Variants in SYT9 observed in about 807,000 individuals in gnomAD.
The protein encoded by SYT9 is synaptotagmin 9.
In SYT9, 22 loss-of-function variants were observed where a neutral mutation model predicts 48.4. That is an observed-to-expected ratio of 0.45 (90% CI 0.32 to 0.65). SYT9 has a LOEUF of 0.65. Among genes scored for constraint, SYT9 ranks in the 30% least tolerant of loss-of-function variants. SYT9 has a pLI of 0.03. For synonymous variants in SYT9, 265 were observed against 245.0 expected (o/e 1.08, Z -0.76); for missense variants, 577 against 622.0 (o/e 0.93, Z 0.77).
intron 3 of SYT9, among the ~76,000 whole-genome samples, chr11:7,407,985 G>C (rs1020945870): frequency 6.6e-6 from 1 of 151,956 alleles, no homozygotes; most frequent in East Asian, 2.0e-4. Context: ...TGTCGTTTTT[G>C]TTCAGAATTG....
intron 1 of SYT9, among the ~76,000 whole-genome samples, chr11:7,265,970 T>C (rs1848173508): frequency 6.6e-6 from 1 of 152,154 alleles, no homozygotes; most frequent in Non-Finnish European, 1.5e-5. Context: ...CTAGCCAATA[T>C]GCTCACTTCT....
upstream of SYT9, among the ~76,000 whole-genome samples, chr11:7,246,982 A>G (rs559121125): frequency 2.0e-5 from 3 of 152,336 alleles, no homozygotes; most frequent in African/African-American, 7.2e-5. Flanking sequence ...GTCCAAGCTC[A>G]AGGTTGCAGC....
At chr11:7,284,570 T>G (rs1036972406) in intron 1 of SYT9, among the ~76,000 whole-genome samples, 3 of 152,110 alleles carry the variant, frequency 2.0e-5, no homozygotes, top group Admixed American at 1.3e-4. Context: ...CTAGATTCCT[T>G]AAGAGAAGTC....
At chr11:7,250,999 A>T (rs1847856378), upstream of SYT9, among the ~76,000 whole-genome samples, 1 of 152,122 alleles carries the variant, frequency 6.6e-6, no homozygotes, top group South Asian at 2.1e-4. Flanking sequence ...CCCAGGCCCC[A>T]GTTTCTCATT....
At chr11:7,362,145 T>A (rs1317793546) in intron 3 of SYT9, among the ~76,000 whole-genome samples, 1 of 150,062 alleles carries the variant, frequency 6.7e-6, no homozygotes, top group Non-Finnish European at 1.5e-5. Context: ...TTATTTTATT[T>A]TTTTTTTATT....
chr11:7,239,043 T>C (rs1847713811), intron 1 of SYT9: 2 of 416,642 alleles, frequency 4.8e-6, no homozygotes, highest in East Asian at 7.2e-5. Context: ...TGGATATTGT[T>C]TCTGGCTACC....
chr11:7,285,942 C>A (rs1413659541), intron 1 of SYT9, among the ~76,000 whole-genome samples: 1 of 152,232 alleles, frequency 6.6e-6, no homozygotes, highest in African/African-American at 2.4e-5. Context: ...AGCTCCACCC[C>A]TGTGGCTTTG....
chr11:7,369,794 A>AACACAC (rs58554896), intron 3 of SYT9, among the ~76,000 whole-genome samples: 2,989 of 143,960 alleles, frequency 0.021, 75 homozygotes, highest in African/African-American at 0.051. Flanking sequence ...CACACACACA[A>AACACAC]ACACACACAC....
intron 1 of SYT9, among the ~76,000 whole-genome samples, chr11:7,286,286 G>T (rs1035927618): frequency 6.6e-6 from 1 of 152,250 alleles, no homozygotes; most frequent in Non-Finnish European, 1.5e-5. Flanking sequence ...CATGGAAGCT[G>T]CCAAGGCTTG....
intron 1 of SYT9, among the ~76,000 whole-genome samples, chr11:7,275,771 C>T (rs919561395): frequency 6.6e-6 from 1 of 152,178 alleles, no homozygotes; most frequent in Non-Finnish European, 1.5e-5. Flanking sequence ...GGCCTTTCCA[C>T]TTGCTGCTGT....
At chr11:7,447,430 G>A (rs988189487) in intron 6 of SYT9, among the ~76,000 whole-genome samples, 12 of 152,122 alleles carry the variant, frequency 7.9e-5, no homozygotes, top group Non-Finnish European at 1.8e-4. Flanking sequence ...TAGTACCCTG[G>A]CAACACTGCT....
chr11:7,417,913 T>C (rs1847281913), intron 4 of SYT9, 44 bp from the exon 5 acceptor site: 1 of 1,587,626 alleles, frequency 6.3e-7, no homozygotes, highest in Non-Finnish European at 8.6e-7. Context: ...CACCTAAATC[T>C]ATACGTATCC....
intron 1 of SYT9, among the ~76,000 whole-genome samples, chr11:7,270,832 GACACACACACACAC>G (rs56891844): frequency 9.5e-5 from 14 of 147,284 alleles, no homozygotes; most frequent in African/African-American, 2.3e-4. Flanking sequence ...ACAAGACACA[GACACACACACACAC>G]ACACACACAC....
upstream of SYT9, among the ~76,000 whole-genome samples, chr11:7,250,803 C>A (rs911338839): frequency 5.9e-5 from 9 of 152,006 alleles, no homozygotes; most frequent in Admixed American, 3.9e-4. Flanking sequence ...GACGGCACAA[C>A]CTCATGGCTA....
At chr11:7,446,180 C>G (rs2134141084) in intron 6 of SYT9, among the ~76,000 whole-genome samples, 1 of 152,346 alleles carries the variant, frequency 6.6e-6, no homozygotes, top group South Asian at 2.1e-4. Context: ...AAATGAAAAG[C>G]TCCCAACTGC....
At chr11:7,253,150 T>C (rs1847905087) in intron 1 of SYT9, among the ~76,000 whole-genome samples, 1 of 152,216 alleles carries the variant, frequency 6.6e-6, no homozygotes, top group South Asian at 2.1e-4. Context: ...GGTCCCTGGG[T>C]CTCCCAGGTC....
At chr11:7,261,006 G>C (rs970642865) in intron 1 of SYT9, among the ~76,000 whole-genome samples, 1 of 152,020 alleles carries the variant, frequency 6.6e-6, no homozygotes, top group Non-Finnish European at 1.5e-5. Flanking sequence ...GGCCCAAGAG[G>C]GAATACGCAT....
At chr11:7,422,761 A>C (rs964195109) in intron 6 of SYT9, among the ~76,000 whole-genome samples, 3 of 152,174 alleles carry the variant, frequency 2.0e-5, no homozygotes, top group Admixed American at 2.0e-4. Flanking sequence ...TGACCTGGGC[A>C]GGGGAGTAGT....
intron 6 of SYT9, among the ~76,000 whole-genome samples, chr11:7,426,849 T>C (rs780253945): frequency 1.3e-5 from 2 of 152,168 alleles, no homozygotes; most frequent in Non-Finnish European, 1.5e-5. Flanking sequence ...AAGGAAACAT[T>C]TGGAATTTGG....
Sources: gnomAD v4.1 joint callset for allele counts (sites outside exome capture counted in the v4.1 genomes callset) on GRCh38, gnomAD v4.1.1 for gene constraint, MANE v1.5 for transcripts, NCBI Gene and HGNC (gene_info 2026-07-23, HGNC 2026-07-21) for gene names.